SLC28A1: variants seen among roughly 807,000 people sequenced by gnomAD.
SLC28A1 encodes sodium/nucleoside cotransporter 1.
A neutral mutation model predicts 74.8 loss-of-function variants in SLC28A1; 64 were observed. The ratio of observed to expected loss-of-function variants is 0.86; its 90% CI spans 0.70 to 1.05. The LOEUF (loss-of-function observed/expected upper bound fraction) is 1.05. SLC28A1 is among the 50% of genes least tolerant of loss of function. The pLI, the probability that SLC28A1 is intolerant of heterozygous loss-of-function variation, is 0.00. For missense variants in SLC28A1, 828 were observed against 822.8 expected (o/e 1.01, Z -0.08); for synonymous variants, 359 against 335.0 (o/e 1.07, Z -0.78).
At chr15:84,935,945 G>GTTTTT (rs1491147464) in intron 15 of SLC28A1, among the ~76,000 whole-genome samples, 7 of 85,920 alleles carry the variant, frequency 8.1e-5, no homozygotes, top group African/African-American at 2.7e-4. Flanking sequence ...TTTTGGTTTG[G>GTTTTT]TTTTTGTTTT....
At chr15:84,961,522 G>C in the SLC28A1 span, 30,642 of 453,310 alleles carry the variant, frequency 0.068, 1,414 homozygotes, top group African/African-American at 0.16. Context: ...TTTATTTTTT[G>C]TAGAGACGAG....
intron 9 of SLC28A1, among the ~76,000 whole-genome samples, chr15:84,916,584 C>A (rs1251074662): frequency 6.6e-6 from 1 of 152,108 alleles, no homozygotes; most frequent in African/African-American, 2.4e-5. Flanking sequence ...CAAGCCAAAG[C>A]CTGGCCCAGA....
intron 6 of SLC28A1, among the ~76,000 whole-genome samples, chr15:84,902,731 G>GTTTTTTTTTTTTTTTTTTTT (rs200395938): frequency 1.4e-5 from 2 of 140,010 alleles, no homozygotes; most frequent in Non-Finnish European, 1.6e-5. Context: ...AAGCATTTAA[G>GTTTTTTTTTTTTTTTTTTTT]TTTTTTTTTT....
intron 8 of SLC28A1, among the ~76,000 whole-genome samples, chr15:84,906,018 C>CTTTT (rs34746940): frequency 7.2e-6 from 1 of 139,264 alleles, no homozygotes; most frequent in Non-Finnish European, 1.5e-5. Context: ...CATTTTTGTT[C>CTTTT]TTTTTTTTTT....
At chr15:84,920,916 C>G in intron 10 of SLC28A1, 73 bp from the exon 11 acceptor site, 1 of 1,175,996 alleles carries the variant, frequency 8.5e-7, no homozygotes, top group Admixed American at 1.7e-5. Flanking sequence ...TGTGTAAGGT[C>G]TTCCACTCCA....
the SLC28A1 span, among the ~76,000 whole-genome samples, chr15:84,963,419 T>G: frequency 6.6e-6 from 1 of 152,114 alleles, no homozygotes; most frequent in African/African-American, 2.4e-5. Flanking sequence ...TGTTAGAATA[T>G]TCCCTCACTA....
Position 84,945,143 on chromosome 15 carries a change from C to T in SLC28A1, c.1893C>T (p.Ser631=), listed in dbSNP as rs867097851. ...TTTTTAGCGTCAATCCAGAGTTCAGCCCAGAGGCCCTGGACAACTGCTGTC... is the reference window on the plus strand; with the variant it reads ...TTTTTAGCGTCAATCCAGAGTTCAGTCCAGAGGCCCTGGACAACTGCTGTC... ...EAFQSVNPEF[S]PEALDNCCRF... The change falls in exon 19 of 19, where the codon AGC becomes AGT. Residue 631 remains serine (S), a synonymous_variant. Transcript: ENST00000394573. 3 of 1,614,054 alleles carry T rather than the reference C, an allele frequency of 1.9e-6. No individual in the cohort carries two copies. The Middle Eastern group carries it at 4.9e-4, about 266-fold the overall frequency.
At chr15:84,897,795 C>T (rs1966165241) in intron 6 of SLC28A1, among the ~76,000 whole-genome samples, 1 of 152,226 alleles carries the variant, frequency 6.6e-6, no homozygotes, top group South Asian at 2.1e-4. Context: ...TCCCTCCTCC[C>T]CTTCAGAGTC....
intron 5 of SLC28A1, among the ~76,000 whole-genome samples, chr15:84,892,872 C>T (rs1376474829): frequency 6.6e-6 from 1 of 152,202 alleles, no homozygotes; most frequent in African/African-American, 2.4e-5. Context: ...GGAGGTGCCT[C>T]TTGCCCGCTC....
At chr15:84,916,074 T>A (rs376251006) in intron 9 of SLC28A1, among the ~76,000 whole-genome samples, 1 of 151,640 alleles carries the variant, frequency 6.6e-6, no homozygotes, top group African/African-American at 2.4e-5. Flanking sequence ...GCGATTCTCA[T>A]GCCTCAGCCT....
At chr15:84,907,764 G>C (rs1304569860) in intron 8 of SLC28A1, among the ~76,000 whole-genome samples, 1 of 152,228 alleles carries the variant, frequency 6.6e-6, no homozygotes, top group African/African-American at 2.4e-5. Flanking sequence ...CCAGCTTGCA[G>C]TTCCCTGTGC....
the SLC28A1 span, among the ~76,000 whole-genome samples, chr15:84,974,704 T>TG: frequency 6.6e-6 from 1 of 152,198 alleles, no homozygotes; most frequent in Non-Finnish European, 1.5e-5. Flanking sequence ...CTTGGGCTCC[T>TG]TGTCCAGATA....
intron 2 of SLC28A1, 47 bp from the exon 3 acceptor site, chr15:84,887,698 G>A: frequency 6.3e-7 from 1 of 1,596,488 alleles, no homozygotes; most frequent in Non-Finnish European, 8.6e-7. Flanking sequence ...ACTGGGCCCT[G>A]CCCGGCCTCC....
At chr15:84,942,779 C>T (rs1435201075) in intron 15 of SLC28A1, among the ~76,000 whole-genome samples, 1 of 151,758 alleles carries the variant, frequency 6.6e-6, no homozygotes, top group Non-Finnish European at 1.5e-5. Flanking sequence ...ACTGCGGGGT[C>T]AGGGAAGGGG....
chr15:84,923,123 A>C (rs1970044210), intron 11 of SLC28A1, among the ~76,000 whole-genome samples: 1 of 152,150 alleles, frequency 6.6e-6, no homozygotes, highest in South Asian at 2.1e-4. Context: ...TTTTTAGTTG[A>C]GACAGGGTTT....
chr15:84,899,966 A>T (rs1020197275), intron 6 of SLC28A1, among the ~76,000 whole-genome samples: 3 of 114,162 alleles, frequency 2.6e-5, no homozygotes, highest in Non-Finnish European at 6.3e-5. Flanking sequence ...GAAGGAAGGA[A>T]AGAAGGAAGG....
chr15:84,908,857 G>A lies in SLC28A1; in HGVS notation c.795+62G>A, dbSNP rs879166892. 3.1e-5 allele frequency: 42 copies of A among 1,371,926 alleles called. No individual in the cohort carries two copies. The African/African-American group carries it at 5.4e-4, about 18-fold the overall frequency. 85.0% of individuals were successfully genotyped at this position (1,371,926 alleles called of 1,614,324 possible). A position where few individuals can be genotyped will look rare whatever the true frequency, so the allele number is the denominator to read the frequency against. ...CCACCGCCCAGCGACTCCAGCTAGA[G>A]GGGAGTCTGGGCATGGTGGGGGCCC... On this transcript the variant is annotated intron_variant, in intron 9 of 18. Coordinates refer to ENST00000394573, the MANE Select transcript of SLC28A1 (RefSeq NM_004213.5).
downstream of SLC28A1, among the ~76,000 whole-genome samples, chr15:84,949,323 A>G (rs1014675246): frequency 2.6e-5 from 4 of 152,224 alleles, no homozygotes; most frequent in East Asian, 1.9e-4. Flanking sequence ...ATGAGACTAA[A>G]GATTGGATAT....
chr15:84,913,380 C>T (rs1007127767), intron 9 of SLC28A1, among the ~76,000 whole-genome samples: 1 of 151,598 alleles, frequency 6.6e-6, no homozygotes, highest in African/African-American at 2.4e-5. Context: ...GAGGAGGGGG[C>T]AGGCCATGTC....
Sources: gnomAD v4.1 joint callset for allele counts (sites outside exome capture counted in the v4.1 genomes callset) on GRCh38, gnomAD v4.1.1 for gene constraint, MANE v1.5 for transcripts, NCBI Gene and HGNC (gene_info 2026-07-23, HGNC 2026-07-21) for gene names.